CDK12: variants seen among roughly 807,000 people sequenced by gnomAD.
CDK12 encodes cyclin-dependent kinase 12.
A neutral mutation model predicts 133.8 loss-of-function variants in CDK12; 17 were observed. The observed-to-expected ratio is 0.13, with a 90% CI of 0.09 to 0.19. The LOEUF (loss-of-function observed/expected upper bound fraction) is 0.19. Ranked by LOEUF, CDK12 falls within the 10% of genes least tolerant of loss-of-function variation. The pLI is 1.00. For synonymous variants in CDK12, 694 were observed against 683.6 expected (o/e 1.02, Z -0.24); for missense variants, 1,508 against 1,818.7 (o/e 0.83, Z 3.11).
intron 11 of CDK12, among the ~76,000 whole-genome samples, chr17:39,523,170 G>C (rs1424916805): frequency 6.6e-6 from 1 of 151,668 alleles, no homozygotes; most frequent in Non-Finnish European, 1.5e-5. Context: ...CCACATTATA[G>C]CACATAAAAA....
intron 1 of CDK12, among the ~76,000 whole-genome samples, chr17:39,467,979 C>T (rs776644075): frequency 5.3e-5 from 8 of 151,642 alleles, no homozygotes; most frequent in Non-Finnish European, 7.4e-5. Flanking sequence ...CTGCAACCTC[C>T]GCCTCCCGGG....
intron 1 of CDK12, among the ~76,000 whole-genome samples, chr17:39,468,431 G>A (rs957899623): frequency 2.0e-5 from 3 of 151,922 alleles, no homozygotes; most frequent in African/African-American, 7.3e-5. Context: ...TTAGACTACT[G>A]GGAAAATTTT....
Position 39,461,608 on chromosome 17 carries a change from C to G in CDK12, c.-464C>G. 3.8e-6 allele frequency: 1 copy of G among 264,622 alleles called. No individual in the cohort carries two copies. Among genetic ancestry groups the G allele is most frequent in the Non-Finnish European group, 7.4e-6 (1 of 135,458 alleles). 16.4% of individuals were successfully genotyped at this position (264,622 alleles called of 1,614,324 possible). A position where few individuals can be genotyped will look rare whatever the true frequency, so the allele number is the denominator to read the frequency against. ...CCTCAGGAGCGAGGGACAAAGGGGG[C>G]GTGAGGCACCTAGGCCGCGGCACCC... is the stretch of plus-strand genomic sequence containing the variant. On this transcript the variant is annotated 5_prime_UTR_variant, in exon 1 of 14. Transcript: ENST00000447079.
intron 6 of CDK12, among the ~76,000 whole-genome samples, chr17:39,502,702 A>G (rs750642592): frequency 1.3e-5 from 2 of 152,206 alleles, no homozygotes; most frequent in South Asian, 2.1e-4. Context: ...ATTTGAGAGT[A>G]TCTGGAAAGG....
At position 39,526,079 on chromosome 17, in the gene CDK12, C is replaced by G. The variant is rs2054479643; in HGVS notation, c.3523C>G (p.Pro1175Ala). Residue 1175 changes from proline to alanine, a missense_variant, in exon 13 of 14, where the codon CCA (proline) becomes GCA (alanine). Pro to Ala is a conservative substitution (Grantham distance 27). Transcript: ENST00000447079. ...GCAGCAGGACTCAGAGACCATGGCC[C>G]CAGAGGAGTCTTTGAAGGAAGCACC... is the stretch of plus-strand genomic sequence containing the variant. ...SQQQDSETMA[P>A]EESLKEAPSA... The G allele has an allele frequency of 6.2e-7, 1 of 1,614,086 alleles. No homozygotes were observed.
chr17:39,546,558 G>A (rs1281036446), upstream of CDK12: 2 of 152,212 alleles, frequency 1.3e-5, no homozygotes, highest in African/African-American at 4.8e-5. Context: ...TCTCAGTCAA[G>A]ATAGGGCAGT....
intron 5 of CDK12, among the ~76,000 whole-genome samples, chr17:39,499,209 TTTTTTTTTTTTTTTTG>T (rs1205686798): frequency 3.3e-5 from 1 of 29,976 alleles, no homozygotes; most frequent in East Asian, 1.2e-3. Context: ...CTTTCTTTCC[TTTTTTTTTTTTTTTTG>T]AGACAGAGTC....
intron 2 of CDK12, among the ~76,000 whole-genome samples, chr17:39,484,927 T>C (rs2050991168): frequency 6.6e-6 from 1 of 151,992 alleles, no homozygotes; most frequent in African/African-American, 2.4e-5. Context: ...TCCCAGAACT[T>C]TGGGAGGCCG....
At chr17:39,544,317 C>T (rs1370443623), upstream of CDK12, 1 of 490,242 alleles carries the variant, frequency 2.0e-6, no homozygotes, top group East Asian at 4.7e-5. Context: ...TCACCCAGAG[C>T]CTGGCAAATT....
intron 3 of CDK12, among the ~76,000 whole-genome samples, chr17:39,563,817 CCAG>C (rs1474000378): frequency 6.6e-6 from 1 of 152,114 alleles, no homozygotes; most frequent in Non-Finnish European, 1.5e-5. Flanking sequence ...GGGGGAAAAA[CCAG>C]CAGCTGTCGG....
chr17:39,522,030 C>G (rs2054206209), intron 11 of CDK12, among the ~76,000 whole-genome samples: 1 of 152,140 alleles, frequency 6.6e-6, no homozygotes. Flanking sequence ...AACCATTCCT[C>G]CAGCTGTAAT....
chr17:39,519,298 C>CTTTTTTT (rs386386050), intron 10 of CDK12, among the ~76,000 whole-genome samples: 1 of 53,976 alleles, frequency 1.9e-5, no homozygotes, highest in African/African-American at 7.7e-5. Flanking sequence ...AATTCAAAGA[C>CTTTTTTT]TTTTTTTTTT....
chr17:39,518,223 C>T (rs1329176169), intron 10 of CDK12, among the ~76,000 whole-genome samples: 1 of 152,134 alleles, frequency 6.6e-6, no homozygotes, highest in Non-Finnish European at 1.5e-5. Flanking sequence ...GTGATCCACC[C>T]ACCTCTGCCT....
intron 3 of CDK12, among the ~76,000 whole-genome samples, chr17:39,563,767 A>AAGGGAGAGGGAG (rs145892389): frequency 6.6e-6 from 1 of 150,530 alleles, no homozygotes; most frequent in African/African-American, 2.4e-5. Context: ...GCCGAGGAGG[A>AAGGGAGAGGGAG]AGGGAGAGGG....
chr17:39,556,172 A>G (rs1416472600), intron 2 of CDK12: 1 of 152,372 alleles, frequency 6.6e-6, no homozygotes, highest in African/African-American at 2.4e-5. Context: ...CATCCCCTCC[A>G]GTCTGAAAGG....
chr17:39,471,928 A>G (rs555221844), intron 2 of CDK12, among the ~76,000 whole-genome samples, 165 bp downstream of exon 2: 3 of 152,214 alleles, frequency 2.0e-5, no homozygotes, highest in African/African-American at 7.2e-5. Flanking sequence ...GGGAAGAGAG[A>G]ATTAGAATTT....
At chr17:39,474,935 G>A (rs1288288436) in intron 2 of CDK12, among the ~76,000 whole-genome samples, 3 of 151,732 alleles carry the variant, frequency 2.0e-5, no homozygotes, top group Non-Finnish European at 4.4e-5. Flanking sequence ...CTGGGTTCAA[G>A]TGATTCTCAT....
rs530209328 is a variant in CDK12 at position 39,560,909 on chromosome 17, G to A, written n.485-3851G>A. Among the ~76,000 whole-genome samples the A allele has an allele frequency of 7.2e-5, 11 of 152,342 alleles. No individual in the cohort carries two copies. The East Asian group carries it at 1.9e-3, about 27-fold the overall frequency. On this transcript the variant is annotated intron_variant and non_coding_transcript_variant, in intron 3 of 3. Coordinates refer to the CDK12 transcript ENST00000558240. ...AAGCACCTGTAATCTCAGCTACTCAGGAGGCTGAGGCAGGAGAATCGCCTC... is the reference window on the plus strand; with the variant it reads ...AAGCACCTGTAATCTCAGCTACTCAAGAGGCTGAGGCAGGAGAATCGCCTC...
intron 11 of CDK12, among the ~76,000 whole-genome samples, chr17:39,523,099 CTATT>C (rs1379723486): frequency 6.6e-6 from 1 of 152,070 alleles, no homozygotes; most frequent in Non-Finnish European, 1.5e-5. Flanking sequence ...TAATATGTCT[CTATT>C]TAATTAAAAT....
Sources: allele counts gnomAD v4.1 joint callset (sites outside exome capture counted in the v4.1 genomes callset), GRCh38; gene constraint gnomAD v4.1.1; transcripts MANE v1.5; gene names NCBI Gene and HGNC (gene_info 2026-07-23, HGNC 2026-07-21).